PARD3B: variants seen among roughly 807,000 people sequenced by gnomAD.
PARD3B encodes partitioning defective 3 homolog B.
In PARD3B, 103 loss-of-function variants were observed where a neutral mutation model predicts 130.2. That is an observed-to-expected ratio of 0.79 (90% confidence interval 0.67 to 0.93). PARD3B has a LOEUF of 0.93. Among genes scored for constraint, PARD3B ranks in the 40% least tolerant of loss-of-function variants. PARD3B has a pLI of 0.00. For synonymous variants in PARD3B, 583 were observed against 553.2 expected (o/e 1.05, Z -0.76); for missense variants, 1,609 against 1,499.2 (o/e 1.07, Z -1.21).
intron 11 of PARD3B, among the ~76,000 whole-genome samples, chr2:205,169,333 T>C (rs2035014783): frequency 6.6e-6 from 1 of 152,208 alleles, no homozygotes; most frequent in Admixed American, 6.5e-5. Context: ...AACTGTCTTT[T>C]TGTTTGGGAC....
intron 2 of PARD3B, among the ~76,000 whole-genome samples, chr2:204,950,384 C>T (rs1227383201): frequency 2.0e-5 from 3 of 152,318 alleles, no homozygotes; most frequent in Admixed American, 6.5e-5. Context: ...AACTTCCCTA[C>T]ATTTAAAAAG....
At chr2:204,720,902 T>C (rs74635179) in intron 2 of PARD3B, among the ~76,000 whole-genome samples, 1 of 152,120 alleles carries the variant, frequency 6.6e-6, no homozygotes, top group Non-Finnish European at 1.5e-5. Context: ...TACCATGCTT[T>C]AGCAGTAACC....
chr2:204,591,791 G>A (rs983719641), intron 1 of PARD3B, among the ~76,000 whole-genome samples: 4 of 152,072 alleles, frequency 2.6e-5, no homozygotes, highest in Non-Finnish European at 4.4e-5. Flanking sequence ...AAATTTTTAC[G>A]AACTTTTACA....
In PARD3B at chr2:204,944,266, G is replaced by A. The variant is rs375093780; in HGVS notation, c.223-20886G>A. On this transcript the variant is annotated intron_variant, in intron 2 of 22. Transcript: ENST00000406610. The stretch of plus-strand genomic sequence containing the variant: ...AAATGAGGCAGCTTCCACAGCTGGA[G>A]GCTCCTTGGAGACCTATAAGGCAGA... 1.0e-3 allele frequency among the ~76,000 whole-genome samples: 158 copies of A among 152,334 alleles called. 1 individual carries two copies. The highest frequency in any genetic ancestry group is 3.7e-3 in the African/African-American group (153 of 41,584).
Position 205,209,018 on chromosome 2 carries a change from A to T in PARD3B, c.2140+15698A>T, listed in dbSNP as rs1382029003. On this transcript the variant is annotated intron_variant, in intron 15 of 22. Transcript: ENST00000406610. ...AACAGCATGGTACTGGTACCAAAAC[A>T]GAGATATAGATCAATGGAACAGAAC... 4.3e-3 allele frequency among the ~76,000 whole-genome samples: 535 copies of T among 125,556 alleles called. 8 individuals carry two copies. Among genetic ancestry groups the T allele is most frequent in the African/African-American group, 0.017 (510 of 29,980 alleles). The allele number at this position is 125,556 out of a possible 152,430, so 82.4% of individuals were successfully genotyped here. A position where few individuals can be genotyped will look rare whatever the true frequency, so the allele number is the denominator to read the frequency against.
chr2:205,003,262 TCTGCTAAGGTCAG>T (rs1694995030), intron 3 of PARD3B, among the ~76,000 whole-genome samples: 1 of 152,194 alleles, frequency 6.6e-6, no homozygotes, highest in Non-Finnish European at 1.5e-5. Context: ...ACAGTCTTCC[TCTGCTAAGGTCAG>T]CTGCTAAGCA....
intron 3 of PARD3B, among the ~76,000 whole-genome samples, chr2:204,995,225 T>C (rs112801369): frequency 1.3e-4 from 20 of 152,314 alleles, no homozygotes; most frequent in African/African-American, 4.6e-4. Flanking sequence ...ATACTGGTTG[T>C]TCCTTTCCAT....
At chr2:204,898,547 C>T (rs2046728755) in intron 2 of PARD3B, among the ~76,000 whole-genome samples, 1 of 152,232 alleles carries the variant, frequency 6.6e-6, no homozygotes, top group South Asian at 2.1e-4. Context: ...AACATATGAT[C>T]TATTCCTGAG....
chr2:205,429,563 G>C (rs2047258507), intron 19 of PARD3B, among the ~76,000 whole-genome samples: 1 of 152,156 alleles, frequency 6.6e-6, no homozygotes, highest in African/African-American at 2.4e-5. Flanking sequence ...TGTCTCCTTA[G>C]CATTACTAAA....
chr2:205,308,621 C>CAAAA lies in PARD3B; in HGVS notation c.2630+6923_2630+6924insAAAA, dbSNP rs1252730210. Among the ~76,000 whole-genome samples the CAAAA allele has an allele frequency of 4.3e-5, 4 of 93,116 alleles. 1 individual carries two copies. The highest frequency in any genetic ancestry group is 1.1e-4 in the Non-Finnish European group (4 of 36,878). The allele number at this position is 93,116 out of a possible 152,430, so 61.1% of individuals were successfully genotyped here. The stretch of plus-strand genomic sequence containing the variant: ...CTCCGTCTCAAAAAAAAAAAAAAAC[C>CAAAA]AAACAACAAAACAAAACCCCAAGAC... On this transcript the variant is annotated intron_variant, in intron 18 of 22. Transcript: ENST00000406610.
At position 204,593,879 on chromosome 2, in the gene PARD3B, C is replaced by T. The variant is rs147073851; in HGVS notation, c.120+47760C>T. On this transcript the variant is annotated intron_variant, in intron 1 of 22. Transcript: ENST00000406610. ...CATCCACTAAGACTTTTGTGGGGAC[C>T]TCTGAGGGTTTTAGTGTGAAAACAA... Among the ~76,000 whole-genome samples, 177 of 152,228 alleles carry T rather than the reference C, an allele frequency of 1.2e-3. 1 individual carries two copies. The highest frequency in any genetic ancestry group is 4.2e-3 in the African/African-American group (175 of 41,514).
At chr2:205,037,852 T>C (rs1322071904) in intron 3 of PARD3B, among the ~76,000 whole-genome samples, 5 of 152,046 alleles carry the variant, frequency 3.3e-5, no homozygotes, top group Non-Finnish European at 5.9e-5. Flanking sequence ...CTTATGTAAA[T>C]TTTACAAAAT....
rs2036060880 is a variant in PARD3B, at chr2:205,185,757, T to A, written c.1925-7T>A. 6.2e-7 allele frequency: 1 copy of A among 1,611,524 alleles called. No individual in the cohort carries two copies. Among genetic ancestry groups the A allele is most frequent in the Admixed American group, 1.7e-5 (1 of 59,994 alleles). ...TTTATACAGCTTCATTTGTTCTTTG[T>A]TTATAGGTCTATTGCTGCCCAATGA... On this transcript the variant is annotated splice_region_variant and splice_polypyrimidine_tract_variant and intron_variant, in intron 13 of 22. Transcript: ENST00000406610.
intron 15 of PARD3B, among the ~76,000 whole-genome samples, chr2:205,231,549 C>T (rs2038840022): frequency 1.3e-5 from 2 of 149,010 alleles, no homozygotes; most frequent in African/African-American, 5.0e-5. Flanking sequence ...GTTGCCCAGG[C>T]TGGTGTCAAA....
intron 2 of PARD3B, among the ~76,000 whole-genome samples, chr2:204,835,901 G>C (rs1057382470): frequency 6.6e-6 from 1 of 152,220 alleles, no homozygotes; most frequent in Non-Finnish European, 1.5e-5. Context: ...GCTATGGCGT[G>C]TTCTGTATGT....
chr2:205,159,767 C>A (rs2034402196), intron 11 of PARD3B, among the ~76,000 whole-genome samples: 1 of 152,186 alleles, frequency 6.6e-6, no homozygotes, highest in Admixed American at 6.5e-5. Context: ...TCTGCCTTAC[C>A]TACTCTCTCC....
chr2:205,222,492 T>C (rs1256150081), intron 15 of PARD3B, among the ~76,000 whole-genome samples: 1 of 152,208 alleles, frequency 6.6e-6, no homozygotes, highest in Non-Finnish European at 1.5e-5. Context: ...ATTGAAATGC[T>C]TACCATGATT....
intron 2 of PARD3B, among the ~76,000 whole-genome samples, chr2:204,715,773 A>G (rs962067692): frequency 7.9e-5 from 12 of 152,160 alleles, no homozygotes; most frequent in Admixed American, 5.2e-4. Context: ...CTTTACTGCC[A>G]GTTATACTCC....
chr2:205,375,020 A>G (rs1428692556), intron 18 of PARD3B, among the ~76,000 whole-genome samples: 1 of 152,222 alleles, frequency 6.6e-6, no homozygotes, highest in Non-Finnish European at 1.5e-5. Flanking sequence ...GTAATTAGAC[A>G]TAAATAATAA....
Sources: gnomAD v4.1 joint callset for allele counts (sites outside exome capture counted in the v4.1 genomes callset) on GRCh38, gnomAD v4.1.1 for gene constraint, MANE v1.5 for transcripts, NCBI Gene and HGNC (gene_info 2026-07-23, HGNC 2026-07-21) for gene names.